OAF: variants seen among roughly 807,000 people sequenced by gnomAD.
OAF encodes out at first homolog, also known as out at first protein homolog.
OAF carries 13 observed loss-of-function variants against 22.5 expected under a neutral mutation model. That is an observed-to-expected ratio of 0.58 (90% CI 0.38 to 0.92). The LOEUF (loss-of-function observed/expected upper bound fraction) is 0.92. Among genes scored for constraint, OAF ranks in the 40% least tolerant of loss-of-function variants. OAF has a pLI of 0.00. For missense variants in OAF, 347 were observed against 381.8 expected, an observed-to-expected ratio of 0.91 and a Z score of 0.76; for synonymous variants, 175 against 170.5, an observed-to-expected ratio of 1.03 and a Z score of -0.21.
chr11:120,219,115 G>A (rs116631243), intron 1 of OAF, among the ~76,000 whole-genome samples: 1 of 151,546 alleles, frequency 6.6e-6, no homozygotes, highest in African/African-American at 2.4e-5. Context: ...GAATTCACAG[G>A]GGGGGTGGGC....
At chr11:120,212,370 C>T (rs2508496) in intron 1 of OAF, among the ~76,000 whole-genome samples, 135,754 of 151,862 alleles carry the variant, frequency 0.89, 60,823 homozygotes, top group Middle Eastern at 0.96. Flanking sequence ...AAGGGCCTTG[C>T]ACCCAGGGGG....
intron 1 of OAF, among the ~76,000 whole-genome samples, chr11:120,219,159 T>G (rs1938250050): frequency 6.7e-6 from 1 of 149,840 alleles, no homozygotes. Flanking sequence ...GATGAGACGG[T>G]GGGGAGCCGC....
chr11:120,220,568 A>G (rs1938268557), intron 1 of OAF, among the ~76,000 whole-genome samples: 1 of 152,170 alleles, frequency 6.6e-6, no homozygotes, highest in Non-Finnish European at 1.5e-5. Flanking sequence ...AAACAGTGGG[A>G]TTTGTGCTCT....
Position 120,225,686 on chromosome 11 carries a change from TC to T in OAF, c.259del (p.Leu87TrpfsTer68). On this transcript the variant is annotated frameshift_variant, in exon 2 of 4. Transcript: ENST00000328965. LOFTEE classifies it high-confidence loss of function. ...GATGTGAAGGTCTTCCGGGCCCTGA[TC>T]CTGGGGGAGCTGGAGAAGGGGCAGA... ...KKDVKVFRAL[I>X]LGELEKGQSQ... The T allele has an allele frequency of 6.2e-7, 1 of 1,603,112 alleles. No individual in the cohort carries two copies. Among genetic ancestry groups the T allele is most frequent in the African/African-American group, 1.3e-5 (1 of 74,138 alleles).
chr11:120,225,583 G>T lies in OAF; in HGVS notation c.232-78G>T. The T allele has an allele frequency of 2.9e-6, 4 of 1,357,858 alleles. No homozygotes were observed. In the South Asian group the frequency reaches 6.0e-5, roughly 20 times the overall value. 84.1% of individuals were successfully genotyped at this position (1,357,858 alleles called of 1,614,324 possible). Reference sequence around the variant, plus strand: ...GCAGTGTCCAGGCATCCTGTTCAGGGGCCAAGCTGAGCACCCGGTGGGCCA... The same window carrying T: ...GCAGTGTCCAGGCATCCTGTTCAGGTGCCAAGCTGAGCACCCGGTGGGCCA... On this transcript the variant is annotated intron_variant, in intron 1 of 3. Transcript: ENST00000328965.
chr11:120,218,771 C>T (rs1257450465), intron 1 of OAF, among the ~76,000 whole-genome samples: 3 of 152,102 alleles, frequency 2.0e-5, no homozygotes, highest in Non-Finnish European at 2.9e-5. Context: ...AAGGGGCAGT[C>T]TGCTGCCCTG....
At chr11:120,219,893 GC>G (rs1374652209) in intron 1 of OAF, among the ~76,000 whole-genome samples, 1 of 152,206 alleles carries the variant, frequency 6.6e-6, no homozygotes, top group Non-Finnish European at 1.5e-5. Flanking sequence ...CCAGCTGCAG[GC>G]AAGGCCGAGA....
At chr11:120,214,231 C>T (rs1273059160) in intron 1 of OAF, among the ~76,000 whole-genome samples, 1 of 152,200 alleles carries the variant, frequency 6.6e-6, no homozygotes, top group African/African-American at 2.4e-5. Flanking sequence ...TACTTGATCT[C>T]TCCAGACCTT....
intron 1 of OAF, among the ~76,000 whole-genome samples, chr11:120,224,049 G>C (rs542402073): frequency 6.6e-6 from 1 of 152,298 alleles, no homozygotes; most frequent in South Asian, 2.1e-4. Context: ...ACCAAGAAGG[G>C]ATTTCCTGTT....
intron 3 of OAF, 47 bp from the exon 4 acceptor site, chr11:120,228,821 T>TACCAACCAA: frequency 1.7e-5 from 9 of 520,280 alleles, no homozygotes; most frequent in Non-Finnish European, 3.2e-5. Flanking sequence ...GGGAGCTCCT[T>TACCAACCAA]CCCTCCCTCC....
chr11:120,226,939 G>A lies in OAF; in HGVS notation c.490G>A (p.Glu164Lys), dbSNP rs748586285. Residue 164 changes from glutamate to lysine, a missense_variant, in exon 3 of 4, where the codon GAG (glutamate) becomes AAG (lysine). Coordinates refer to ENST00000328965, the MANE Select transcript of OAF (RefSeq NM_178507.4). ...LSPHLHNVCAEAVDAIYTRQE... is the reference protein window; with the variant it reads ...LSPHLHNVCAKAVDAIYTRQE... ...CCCCCATCTCCACAACGTGTGTGCC[G>A]AGGCCGTGGATGCCATCTACACCCG... 42 of 1,610,092 alleles carry A rather than the reference G, an allele frequency of 2.6e-5. No individual in the cohort carries two copies. Among genetic ancestry groups the A allele is most frequent in the East Asian group, 8.9e-5 (4 of 44,728 alleles).
At chr11:120,217,172 C>A (rs1290357310) in intron 1 of OAF, 1 of 152,230 alleles carries the variant, frequency 6.6e-6, no homozygotes, top group African/African-American at 2.4e-5. Flanking sequence ...GGACCACTTC[C>A]CCCACGCTCT....
chr11:120,229,618 C>T lies in OAF; in HGVS notation c.*476C>T, dbSNP rs550713468. On this transcript the variant is annotated 3_prime_UTR_variant, in exon 4 of 4. Coordinates refer to ENST00000328965, the MANE Select transcript of OAF (RefSeq NM_178507.4). ...ACTCCCCAACAAGGGGCTCACTATC[C>T]CCAAAGAAGGAGCTGTTGGGGACCC... 300 of 165,824 alleles carry T rather than the reference C, an allele frequency of 1.8e-3. 1 individual carries two copies. The highest frequency in any genetic ancestry group is 6.8e-3 in the African/African-American group (286 of 42,284). The allele number at this position is 165,824 out of a possible 1,614,324, so 10.3% of individuals were successfully genotyped here. A position where few individuals can be genotyped will look rare whatever the true frequency, so the allele number is the denominator to read the frequency against.
At chr11:120,211,964 C>T (rs890026295) in intron 1 of OAF, among the ~76,000 whole-genome samples, 2 of 152,290 alleles carry the variant, frequency 1.3e-5, no homozygotes, top group African/African-American at 2.4e-5. Flanking sequence ...TCTGCGAGGC[C>T]TCCCAGCCCT....
intron 1 of OAF, among the ~76,000 whole-genome samples, chr11:120,215,335 CA>C (rs1938195056): frequency 6.6e-6 from 1 of 152,068 alleles, no homozygotes; most frequent in African/African-American, 2.4e-5. Flanking sequence ...GTCTGGGTGA[CA>C]AAAGAACCCA....
At chr11:120,223,431 A>G (rs1262653189) in intron 1 of OAF, among the ~76,000 whole-genome samples, 3 of 152,174 alleles carry the variant, frequency 2.0e-5, no homozygotes, top group Non-Finnish European at 2.9e-5. Context: ...CATGGAAACA[A>G]TGTTTTTTCT....
chr11:120,222,765 A>G (rs897611671), intron 1 of OAF, among the ~76,000 whole-genome samples: 4 of 151,998 alleles, frequency 2.6e-5, no homozygotes, highest in African/African-American at 9.7e-5. Context: ...TACAAAAATT[A>G]GCTGGGTGTG....
In OAF at chr11:120,228,969, C is replaced by A. The variant is rs546311468; in HGVS notation, c.649C>A (p.Arg217Ser). 20 of 1,612,924 alleles carry A rather than the reference C, an allele frequency of 1.2e-5. No homozygotes were observed. Among genetic ancestry groups the A allele is most frequent in the Middle Eastern group, 1.6e-4 (1 of 6,068 alleles). Residue 217 changes from arginine to serine, a missense_variant, in exon 4 of 4, where the codon CGC becomes AGC. Coordinates refer to ENST00000328965, the MANE Select transcript of OAF (RefSeq NM_178507.4). ...VGDHGKPCVCRYGLSLAWYPC... is the reference protein window; with the variant it reads ...VGDHGKPCVCSYGLSLAWYPC... ...GGACCACGGGAAGCCCTGCGTCTGC[C>A]GCTATGGCCTGAGCCTGGCCTGGTA...
chr11:120,218,434 G>C (rs1274196125), intron 1 of OAF, among the ~76,000 whole-genome samples: 2 of 152,202 alleles, frequency 1.3e-5, no homozygotes, highest in Non-Finnish European at 2.9e-5. Context: ...CTGCTTCCTG[G>C]CTGGCTCTGC....
Sources: gnomAD v4.1 joint callset for allele counts (sites outside exome capture counted in the v4.1 genomes callset) on GRCh38, gnomAD v4.1.1 for gene constraint, MANE v1.5 for transcripts, NCBI Gene and HGNC (gene_info 2026-07-23, HGNC 2026-07-21) for gene names.